The following DIAPH3 variants were observed in gnomAD, a reference collection of about 807,000 sequenced individuals.
DIAPH3 encodes the protein diaphanous related formin 3, also known as protein diaphanous homolog 3.
Under a neutral mutation model 144.3 loss-of-function variants are expected in DIAPH3, and 117 were observed. The ratio of observed to expected loss-of-function variants is 0.81; its 90% CI spans 0.70 to 0.95. The LOEUF (loss-of-function observed/expected upper bound fraction) is 0.95, where lower values mean the gene tolerates loss of function less well. Among genes scored for constraint, DIAPH3 ranks in the 40% least tolerant of loss-of-function variants. DIAPH3 has a pLI of 0.00. For missense variants in DIAPH3, 1,421 were observed against 1,412.7 expected (o/e 1.01, Z -0.09); for synonymous variants, 519 against 488.9 (o/e 1.06, Z -0.81).
chr13:59,821,223 G>A (rs2041054141), intron 24 of DIAPH3, among the ~76,000 whole-genome samples: 1 of 151,954 alleles, frequency 6.6e-6, no homozygotes, highest in Admixed American at 6.6e-5. Flanking sequence ...TTTTCCAGGG[G>A]AATGACAGTT....
chr13:59,752,135 T>C (rs544966805), intron 27 of DIAPH3, among the ~76,000 whole-genome samples: 2 of 152,134 alleles, frequency 1.3e-5, no homozygotes, highest in Non-Finnish European at 1.5e-5. Flanking sequence ...GTAATAACAG[T>C]TAACATTTTA....
chr13:59,735,092 A>G lies in DIAPH3; in HGVS notation c.3319+39097T>C, dbSNP rs114652084. On this transcript the variant is annotated intron_variant, in intron 27 of 27. Coordinates refer to ENST00000400324, the MANE Select transcript of DIAPH3 (RefSeq NM_001042517.2). ...TAGAATGTTTACAAAATATTATAAT[A>G]AGACTTCTTGAAAAACAGAATTTTT... Among the ~76,000 whole-genome samples, 1,452 of 152,026 alleles carry G rather than the reference A, an allele frequency of 9.6e-3. 12 individuals are homozygous for G. The highest frequency in any genetic ancestry group is 0.033 in the African/African-American group (1,361 of 41,552).
chr13:59,873,148 T>A (rs977884276), intron 21 of DIAPH3, among the ~76,000 whole-genome samples: 3 of 152,228 alleles, frequency 2.0e-5, no homozygotes, highest in African/African-American at 7.2e-5. Context: ...TTCTGTGATT[T>A]AACTGGCTGC....
At chr13:59,824,863 A>T (rs1397547986) in intron 24 of DIAPH3, among the ~76,000 whole-genome samples, 1 of 152,118 alleles carries the variant, frequency 6.6e-6, no homozygotes, top group Non-Finnish European at 1.5e-5. Context: ...GTAAGAAAGA[A>T]GTGTAGTGGC....
At chr13:59,751,972 G>A (rs918744210) in intron 27 of DIAPH3, among the ~76,000 whole-genome samples, 1 of 152,168 alleles carries the variant, frequency 6.6e-6, no homozygotes, top group Admixed American at 6.5e-5. Flanking sequence ...CAAGAAGCAG[G>A]ATATATTCAC....
At chr13:60,040,834 T>C (rs2055608720) in intron 5 of DIAPH3, among the ~76,000 whole-genome samples, 1 of 150,744 alleles carries the variant, frequency 6.6e-6, no homozygotes, top group South Asian at 2.1e-4. Context: ...TGCTCAATAA[T>C]TTTTTTTTTC....
At chr13:60,073,882 T>C (rs1037009869) in intron 4 of DIAPH3, among the ~76,000 whole-genome samples, 3 of 152,222 alleles carry the variant, frequency 2.0e-5, no homozygotes, top group Admixed American at 2.0e-4. Flanking sequence ...TTGTTTTTAT[T>C]TTTCCTAATT....
chr13:59,693,447 G>A (rs2033642372), intron 27 of DIAPH3, among the ~76,000 whole-genome samples: 1 of 152,110 alleles, frequency 6.6e-6, no homozygotes, highest in Non-Finnish European at 1.5e-5. Context: ...GCTTAAAAGT[G>A]TATGACATTA....
At chr13:59,950,881 A>T (rs2049058833) in intron 17 of DIAPH3, among the ~76,000 whole-genome samples, 1 of 152,100 alleles carries the variant, frequency 6.6e-6, no homozygotes, top group Non-Finnish European at 1.5e-5. Context: ...CTAGAAAACA[A>T]AAGTTTTGAA....
rs1406329746 is a variant in DIAPH3, at chr13:59,810,828, TTCGAG to T, written c.3118_3122del (p.Leu1040ThrfsTer14). The T allele has an allele frequency of 6.2e-7, 1 of 1,613,708 alleles. No individual in the cohort carries two copies. On this transcript the variant is annotated frameshift_variant, in exon 25 of 28. Coordinates refer to ENST00000400324, the MANE Select transcript of DIAPH3 (RefSeq NM_001042517.2). LOFTEE classifies it high-confidence loss of function. ...ATAAACGCTTTTTCTTTTGTTGGCG[TTCGAG>T]TCTTTCTCGCTCTGCTAATTCTTTA...
intron 20 of DIAPH3, among the ~76,000 whole-genome samples, chr13:59,901,879 A>C (rs2046452866): frequency 6.6e-6 from 1 of 152,162 alleles, no homozygotes; most frequent in African/African-American, 2.4e-5. Flanking sequence ...CCCCAGGCTG[A>C]AGTGCAGTGG....
At chr13:60,116,826 A>G (rs1187937760) in intron 2 of DIAPH3, among the ~76,000 whole-genome samples, 1 of 152,074 alleles carries the variant, frequency 6.6e-6, no homozygotes, top group Non-Finnish European at 1.5e-5. Context: ...TTTTAAAAAG[A>G]ATCTCTAAAG....
intron 3 of DIAPH3, among the ~76,000 whole-genome samples, chr13:60,107,800 G>C (rs2058461944): frequency 6.6e-6 from 1 of 152,092 alleles, no homozygotes; most frequent in African/African-American, 2.4e-5. Flanking sequence ...AACAATTCTA[G>C]ACAGGAAGTC....
chr13:60,053,896 T>C (rs974595126), intron 4 of DIAPH3, among the ~76,000 whole-genome samples: 4 of 152,116 alleles, frequency 2.6e-5, no homozygotes, highest in Non-Finnish European at 2.9e-5. Flanking sequence ...TGAAAGAAGA[T>C]GATACAGCAT....
In DIAPH3 at chr13:59,920,554, A is replaced by T. The variant is rs534481749; in HGVS notation, c.2170+4221T>A. Among the ~76,000 whole-genome samples, 4 of 150,930 alleles carry T rather than the reference A, an allele frequency of 2.7e-5. No individual in the cohort carries two copies. The South Asian group carries it at 8.3e-4, about 31-fold the overall frequency. ...TGTGCGTGTATATACATATATATGT[A>T]TATATATATATAATTTGTATCCAAC... On this transcript the variant is annotated intron_variant, in intron 18 of 27. Coordinates refer to ENST00000400324, the MANE Select transcript of DIAPH3 (RefSeq NM_001042517.2).
At position 59,970,907 on chromosome 13, in the gene DIAPH3, T is replaced by C; in HGVS notation, c.1904A>G (p.Lys635Arg). Residue 635 changes from lysine (K) to arginine (R), a missense_variant, in exon 16 of 28, where the codon AAA becomes AGA. Coordinates refer to ENST00000400324, the MANE Select transcript of DIAPH3 (RefSeq NM_001042517.2). Reference sequence around the variant, plus strand: ...TTCAGGTTTAAATTCTTTCTTTGGTTTCAACCCAAATGGCAGGATTGGTAG... The same window carrying C: ...TTCAGGTTTAAATTCTTTCTTTGGTCTCAACCCAAATGGCAGGATTGGTAG... ...PPLPILPFGL[K>R]PKKEFKPEIS... 6.2e-7 allele frequency: 1 copy of C among 1,613,906 alleles called. No homozygotes were observed. Among genetic ancestry groups the C allele is most frequent in the Non-Finnish European group, 8.5e-7 (1 of 1,179,986 alleles).
At chr13:60,130,780 A>T (rs1440260380) in intron 2 of DIAPH3, among the ~76,000 whole-genome samples, 3 of 152,264 alleles carry the variant, frequency 2.0e-5, no homozygotes, top group Non-Finnish European at 4.4e-5. Flanking sequence ...GTATTGTTGA[A>T]GATATGCACT....
Position 60,093,666 on chromosome 13 carries a change from C to CT in DIAPH3, c.456dup (p.Glu153ArgfsTer8), listed in dbSNP as rs747901695. 6.2e-7 allele frequency: 1 copy of CT among 1,612,692 alleles called. No homozygotes were observed. Among genetic ancestry groups the CT allele is most frequent in the South Asian group, 1.1e-5 (1 of 91,046 alleles). On this transcript the variant is annotated frameshift_variant, in exon 4 of 28. Coordinates refer to ENST00000400324, the MANE Select transcript of DIAPH3 (RefSeq NM_001042517.2). LOFTEE classifies it high-confidence loss of function. ...GTATTAATGTACTGCATCACCATTT[C>CT]TTTTTTGATACTGAAGTCCTTTTCC...
intron 2 of DIAPH3, among the ~76,000 whole-genome samples, chr13:60,119,591 C>T (rs372080805): frequency 1.3e-5 from 2 of 150,684 alleles, no homozygotes; most frequent in South Asian, 4.2e-4. Flanking sequence ...ACTAAAAATA[C>T]AAAAAATTAG....
Sources: allele counts gnomAD v4.1 joint callset (sites outside exome capture counted in the v4.1 genomes callset), GRCh38; gene constraint gnomAD v4.1.1; transcripts MANE v1.5; gene names NCBI Gene and HGNC (gene_info 2026-07-23, HGNC 2026-07-21).